POGZ: variants seen among roughly 807,000 people sequenced by gnomAD.
POGZ encodes pogo transposable element derived with ZNF domain, also known as pogo transposable element with ZNF domain.
A neutral mutation model predicts 134.6 loss-of-function variants in POGZ; 17 were observed. The ratio of observed to expected loss-of-function variants is 0.13; its 90% CI spans 0.09 to 0.19. The LOEUF (loss-of-function observed/expected upper bound fraction) is 0.19, where lower values mean the gene tolerates loss of function less well. Ranked by LOEUF, POGZ falls within the 10% of genes least tolerant of loss-of-function variation. The pLI is 1.00. For missense variants in POGZ, 1,306 were observed against 1,769.7 expected, an observed-to-expected ratio of 0.74 and a Z score of 4.70; for synonymous variants, 693 against 657.1, an observed-to-expected ratio of 1.05 and a Z score of -0.84.
chr1:151,436,017 C>T (rs377665139), intron 3 of POGZ, among the ~76,000 whole-genome samples: 3 of 143,012 alleles, frequency 2.1e-5, no homozygotes, highest in Admixed American at 7.2e-5. Flanking sequence ...AGTGCAGTGG[C>T]GTGATCTCGG....
In POGZ at chr1:151,411,758, C is replaced by T. The variant is rs1387717456; in HGVS notation, c.1793G>A (p.Arg598His). ...MPYVCQVCQY[R>H]SSLYSEVDVH... ...ATCTACCTCAGAGTAGAGTGAGGAG[C>T]GATATTGACACACCTGAGTCACATA... Residue 598 changes from arginine to histidine, a missense_variant, in exon 12 of 19, where the codon CGC becomes CAC. Around this residue, in one of 10 missense-constraint regions of POGZ, gnomAD observed 149 missense variants for 237.5 expected, o/e 0.63. Coordinates refer to ENST00000271715, the MANE Select transcript of POGZ (RefSeq NM_015100.4). The T allele has an allele frequency of 1.2e-6, 2 of 1,611,060 alleles. No individual in the cohort carries two copies. The highest frequency in any genetic ancestry group is 1.7e-6 in the Non-Finnish European group (2 of 1,179,062).
At chr1:151,450,676 T>C (rs950138904) in intron 1 of POGZ, among the ~76,000 whole-genome samples, 2 of 152,146 alleles carry the variant, frequency 1.3e-5, no homozygotes, top group East Asian at 1.9e-4. Context: ...AATTTTTTCT[T>C]GTTGTGGCCC....
At chr1:151,437,934 C>T (rs941316277) in intron 3 of POGZ, among the ~76,000 whole-genome samples, 1 of 151,224 alleles carries the variant, frequency 6.6e-6, no homozygotes, top group African/African-American at 2.4e-5. Context: ...CTAGGCTGGG[C>T]GCAGTAGCTC....
rs776596940 is a variant in POGZ, at chr1:151,428,325, A to G, written c.657T>C (p.Pro219=). ...MTPVRPGSTM[P]VRPTTNTFTT... ...TGAAGGTGTTGGTGGTGGGCCTCACAGGCATTGTGGAGCCTGGCCTCACAG... is the reference window on the plus strand; with the variant it reads ...TGAAGGTGTTGGTGGTGGGCCTCACGGGCATTGTGGAGCCTGGCCTCACAG... Residue 219 remains proline (P), a synonymous_variant, in exon 6 of 19, where the codon CCT becomes CCC. Coordinates refer to ENST00000271715, the MANE Select transcript of POGZ (RefSeq NM_015100.4). 28 of 1,613,980 alleles carry G rather than the reference A, an allele frequency of 1.7e-5. No individual in the cohort carries two copies. The highest frequency in any genetic ancestry group is 2.4e-5 in the Non-Finnish European group (28 of 1,180,008).
chr1:151,429,492 T>G (rs1332750954), intron 5 of POGZ, 111 bp downstream of exon 5: 2 of 484,936 alleles, frequency 4.1e-6, no homozygotes, highest in African/African-American at 4.0e-5. Flanking sequence ...TATTTTTATA[T>G]TTTTAGATTT....
chr1:151,424,357 A>G, intron 8 of POGZ, 71 bp from the exon 9 acceptor site: 1 of 927,760 alleles, frequency 1.1e-6, no homozygotes, highest in Non-Finnish European at 1.6e-6. Context: ...TAACTTCACT[A>G]CCATTCCTTG....
chr1:151,459,491 A>T lies in POGZ; in HGVS notation c.-341T>A, dbSNP rs1235889657. ...ACCGACCCTCTCGCCCCGCGGAGGG[A>T]TACGGCTCGTCACTTCCGCCCTCCC... On this transcript the variant is annotated 5_prime_UTR_variant, in exon 1 of 19. Transcript: ENST00000271715. 6 of 152,138 alleles carry T rather than the reference A, an allele frequency of 3.9e-5. No individual in the cohort carries two copies. 9.4% of individuals were successfully genotyped at this position (152,138 alleles called of 1,614,324 possible). A position where few individuals can be genotyped will look rare whatever the true frequency, so the allele number is the denominator to read the frequency against.
At chr1:151,426,824 C>A (rs1000749597) in intron 7 of POGZ, 18 of 152,036 alleles carry the variant, frequency 1.2e-4, no homozygotes, top group African/African-American at 4.3e-4. Context: ...GGTCTTTGAT[C>A]CATTTTGAGT....
chr1:151,403,893 G>A lies in POGZ; in HGVS notation c.*909C>T. Reference sequence around the variant, plus strand: ...GGCTTACAGGATGAAGACTCAAACTGGGAATGGCTTCCACCCTAAAACTGT... The same window carrying A: ...GGCTTACAGGATGAAGACTCAAACTAGGAATGGCTTCCACCCTAAAACTGT... On this transcript the variant is annotated 3_prime_UTR_variant, in exon 19 of 19. Transcript: ENST00000271715. The A allele has an allele frequency of 1.0e-6, 1 of 985,446 alleles. No homozygotes were observed. Among genetic ancestry groups the A allele is most frequent in the Non-Finnish European group, 1.2e-6 (1 of 829,914 alleles). 61.0% of individuals were successfully genotyped at this position (985,446 alleles called of 1,614,324 possible). A position where few individuals can be genotyped will look rare whatever the true frequency, so the allele number is the denominator to read the frequency against.
Position 151,408,426 on chromosome 1 carries a change from C to T in POGZ, c.2217G>A (p.Lys739=). Residue 739 remains lysine, a synonymous_variant, in exon 14 of 19, where the codon AAG becomes AAA. Coordinates refer to ENST00000271715, the MANE Select transcript of POGZ (RefSeq NM_015100.4). The part of the protein sequence containing the change: ...LYPPVQRSIQ[K]RAVRKMSVMG... The stretch of plus-strand genomic sequence containing the variant: ...GCGCTGACATTTTCCTAACAGCTCT[C>T]TTCTGGATGCTGCGCTGGACAGGGG... The T allele has an allele frequency of 3.1e-6, 5 of 1,593,448 alleles. No homozygotes were observed. The highest frequency in any genetic ancestry group is 4.3e-6 in the Non-Finnish European group (5 of 1,174,812).
intron 1 of POGZ, among the ~76,000 whole-genome samples, 156 bp downstream of exon 1, chr1:151,458,996 G>A (rs1663172137): frequency 7.0e-6 from 1 of 143,868 alleles, no homozygotes; most frequent in Non-Finnish European, 1.5e-5. Context: ...CGCGGTGGGC[G>A]GGGGCGCGCA....
intron 3 of POGZ, among the ~76,000 whole-genome samples, chr1:151,440,055 T>C (rs1259722921): frequency 1.3e-5 from 2 of 152,108 alleles, no homozygotes; most frequent in Admixed American, 6.6e-5. Context: ...ATAATCTTTT[T>C]TTGTCAAATG....
intron 3 of POGZ, among the ~76,000 whole-genome samples, chr1:151,432,832 A>G (rs1658919632): frequency 1.3e-5 from 2 of 152,232 alleles, no homozygotes; most frequent in African/African-American, 2.4e-5. Flanking sequence ...TAATTATTCA[A>G]TATCAAATAC....
rs182417906 is a variant in POGZ at position 151,437,621 on chromosome 1, G to A, written c.283+3307C>T. Reference sequence around the variant, plus strand: ...ACAGAAATTAGCCGAGCATGGCAGCGCATGCCTGTAATCCCAGCTACTGGG... The same window carrying A: ...ACAGAAATTAGCCGAGCATGGCAGCACATGCCTGTAATCCCAGCTACTGGG... On this transcript the variant is annotated intron_variant, in intron 3 of 18. Transcript: ENST00000271715. Among the ~76,000 whole-genome samples, 391 of 152,062 alleles carry A rather than the reference G, an allele frequency of 2.6e-3. 2 individuals carry two copies. The highest frequency in any genetic ancestry group is 0.015 in the Admixed American group (232 of 15,264).
chr1:151,427,923 G>T lies in POGZ; in HGVS notation c.978C>A (p.Thr326=). ...EVAKLVNTLN[T]IPSLGQSPGP... ...CAGGACTCTGGCCCAGGGAAGGGAT[G>T]GTGTTAAGGGTATTCACCAATTTGG... Residue 326 remains threonine, a synonymous_variant, in exon 7 of 19, where the codon ACC becomes ACA. Transcript: ENST00000271715. 2 of 1,614,036 alleles carry T rather than the reference G, an allele frequency of 1.2e-6. 1 individual carries two copies.
chr1:151,405,441 G>A lies in POGZ; in HGVS notation c.3594C>T (p.Gly1198=). 1.2e-6 allele frequency: 2 copies of A among 1,614,178 alleles called. No homozygotes were observed. The highest frequency in any genetic ancestry group is 2.2e-5 in the South Asian group (2 of 91,086). Residue 1198 remains glycine (G), a synonymous_variant, in exon 19 of 19, where the codon GGC becomes GGT. Transcript: ENST00000271715. The surrounding 1 kb of genome is among the most constrained non-coding windows in gnomAD (Gnocchi z 4.9). The part of the protein sequence containing the change: ...DSILLEAKES[G]YSDDEIMELW... Reference sequence around the variant, plus strand: ...GCTCCATGATCTCGTCATCACTGTAGCCACTCTCCTTTGCCTCTAGCAATA... The same window carrying A: ...GCTCCATGATCTCGTCATCACTGTAACCACTCTCCTTTGCCTCTAGCAATA...
chr1:151,420,462 G>A (rs1039174100), intron 10 of POGZ, among the ~76,000 whole-genome samples: 1 of 152,042 alleles, frequency 6.6e-6, no homozygotes, highest in African/African-American at 2.4e-5. Flanking sequence ...GACTATAGGC[G>A]TGCGCCACCA....
intron 3 of POGZ, among the ~76,000 whole-genome samples, chr1:151,433,770 A>C (rs758502547): frequency 3.9e-5 from 6 of 152,284 alleles, no homozygotes; most frequent in Middle Eastern, 3.4e-3. Flanking sequence ...CATTTTAATG[A>C]TTTCTGCAAT....
At chr1:151,421,761 CTTTTG>C (rs1219149697) in intron 10 of POGZ, among the ~76,000 whole-genome samples, 1 of 152,054 alleles carries the variant, frequency 6.6e-6, no homozygotes, top group African/African-American at 2.4e-5. Context: ...TTATTGTTTT[CTTTTG>C]TTTTGAGACA....
Sources: allele counts gnomAD v4.1 joint callset (sites outside exome capture counted in the v4.1 genomes callset), GRCh38; gene constraint gnomAD v4.1.1; regional missense constraint gnomAD v4.1.1; non-coding constraint Gnocchi (gnomAD v3.1); transcripts MANE v1.5; gene names NCBI Gene and HGNC (gene_info 2026-07-23, HGNC 2026-07-21).